The following CPNE4 variants were observed in gnomAD, a reference collection of about 807,000 sequenced individuals.
CPNE4 encodes the protein copine-4.
Under a neutral mutation model 67.9 loss-of-function variants are expected in CPNE4, and 25 were observed. The ratio of observed to expected loss-of-function variants is 0.37; its 90% CI spans 0.27 to 0.51. The LOEUF (loss-of-function observed/expected upper bound fraction) is 0.51. Among genes scored for constraint, CPNE4 ranks in the 20% least tolerant of loss-of-function variants. The pLI, the probability that CPNE4 is intolerant of heterozygous loss-of-function variation, is 0.93. For missense variants in CPNE4, 464 were observed against 690.8 expected, an observed-to-expected ratio of 0.67 and a Z score of 3.68; for synonymous variants, 242 against 244.9, an observed-to-expected ratio of 0.99 and a Z score of 0.11.
At chr3:131,676,056 TTATTA>T (rs999984604) in intron 6 of CPNE4, among the ~76,000 whole-genome samples, 49 of 147,412 alleles carry the variant, frequency 3.3e-4, no homozygotes, top group Admixed American at 2.1e-3. Flanking sequence ...ATTATTATTA[TTATTA>T]TTATTATTAT....
intron 2 of CPNE4, among the ~76,000 whole-genome samples, chr3:131,862,849 C>T (rs1011397415): frequency 6.6e-6 from 1 of 151,792 alleles, no homozygotes; most frequent in East Asian, 1.9e-4. Context: ...CTAATGCTAT[C>T]CCTCCCCCAT....
intron 5 of CPNE4, among the ~76,000 whole-genome samples, chr3:131,693,433 A>G (rs1474356364): frequency 1.3e-5 from 2 of 151,632 alleles, no homozygotes; most frequent in Non-Finnish European, 2.9e-5. Flanking sequence ...AATTATTATA[A>G]TTATATTTTC....
At chr3:131,677,733 G>C (rs908935395) in intron 6 of CPNE4, among the ~76,000 whole-genome samples, 1 of 152,120 alleles carries the variant, frequency 6.6e-6, no homozygotes, top group Admixed American at 6.6e-5. Context: ...TTGAAGATCA[G>C]ATAGTTGAAG....
At chr3:132,037,181 A>C (rs2074354550), upstream of CPNE4, among the ~76,000 whole-genome samples, 1 of 152,262 alleles carries the variant, frequency 6.6e-6, no homozygotes, top group Non-Finnish European at 1.5e-5. Context: ...AAAAGCATAG[A>C]TACACAAACT....
chr3:131,923,381 G>T lies in CPNE4; in HGVS notation c.-1-17937C>A, dbSNP rs528171266. 6.6e-5 allele frequency among the ~76,000 whole-genome samples: 10 copies of T among 152,242 alleles called. No individual in the cohort carries two copies. The South Asian group carries it at 1.5e-3, about 22-fold the overall frequency. ...GAGAATGTGGAGCAGGGACTATAAG[G>T]CCTGTGAGAGGCAGGGGATGTGCAG... On this transcript the variant is annotated intron_variant, in intron 1 of 15. Coordinates refer to ENST00000429747, the MANE Select transcript of CPNE4 (RefSeq NM_130808.3).
At chr3:131,831,137 G>C (rs1186385882) in intron 2 of CPNE4, among the ~76,000 whole-genome samples, 2 of 151,678 alleles carry the variant, frequency 1.3e-5, no homozygotes, top group East Asian at 3.9e-4. Context: ...CTTCAAAATG[G>C]AAACAATAAG....
At chr3:131,914,597 C>A (rs971309781) in intron 1 of CPNE4, among the ~76,000 whole-genome samples, 1 of 151,748 alleles carries the variant, frequency 6.6e-6, no homozygotes, top group Non-Finnish European at 1.5e-5. Context: ...ACTGACTTCC[C>A]AAGAGGTTGG....
At chr3:131,660,098 C>A (rs564332664) in intron 7 of CPNE4, among the ~76,000 whole-genome samples, 11 of 152,170 alleles carry the variant, frequency 7.2e-5, no homozygotes, top group African/African-American at 2.7e-4. Flanking sequence ...TTCTGTTTTC[C>A]CCACTGAAAC....
At chr3:131,794,721 T>C (rs1435593428) in intron 2 of CPNE4, among the ~76,000 whole-genome samples, 1 of 152,218 alleles carries the variant, frequency 6.6e-6, no homozygotes, top group Admixed American at 6.5e-5. Context: ...CAACGTACTT[T>C]TACAGGTAGA....
chr3:131,968,356 A>T (rs1345780071), intron 1 of CPNE4, among the ~76,000 whole-genome samples: 1 of 152,220 alleles, frequency 6.6e-6, no homozygotes, highest in Non-Finnish European at 1.5e-5. Flanking sequence ...AAATTGACAA[A>T]TGGGATCTAA....
chr3:131,792,409 C>T (rs918223676), intron 2 of CPNE4, among the ~76,000 whole-genome samples: 1 of 151,440 alleles, frequency 6.6e-6, no homozygotes, highest in African/African-American at 2.4e-5. Flanking sequence ...CATTACCATA[C>T]CCGAAAACTA....
At chr3:131,947,823 C>A (rs763981375) in intron 1 of CPNE4, among the ~76,000 whole-genome samples, 9 of 152,118 alleles carry the variant, frequency 5.9e-5, no homozygotes, top group Non-Finnish European at 1.0e-4. Flanking sequence ...CTCTCTTCCA[C>A]AATGGTTGAA....
intron 11 of CPNE4, among the ~76,000 whole-genome samples, chr3:131,562,550 C>A (rs1474783634): frequency 2.6e-5 from 4 of 152,012 alleles, no homozygotes; most frequent in African/African-American, 9.7e-5. Flanking sequence ...AAGATACTCT[C>A]CCCCTTCTTG....
chr3:131,910,873 G>A (rs548408135), intron 1 of CPNE4, among the ~76,000 whole-genome samples: 2 of 152,184 alleles, frequency 1.3e-5, no homozygotes, highest in South Asian at 2.1e-4. Context: ...CCACAAAACC[G>A]TAAATGTTCT....
intron 2 of CPNE4, among the ~76,000 whole-genome samples, chr3:131,781,611 A>G (rs1165075609): frequency 6.6e-6 from 1 of 152,140 alleles, no homozygotes; most frequent in African/African-American, 2.4e-5. Context: ...AGTTGGATGA[A>G]GTCAAAGAAA....
upstream of CPNE4, chr3:132,037,428 T>G (rs770343539): frequency 7.1e-4 from 498 of 706,260 alleles, 1 homozygote; most frequent in Non-Finnish European, 1.1e-3. Flanking sequence ...ACAGCTCATC[T>G]GTACAAATGA....
chr3:131,643,151 G>A lies in CPNE4; in HGVS notation c.681+26524C>T, dbSNP rs567365234. 1.0e-3 allele frequency among the ~76,000 whole-genome samples: 155 copies of A among 152,340 alleles called. 1 individual carries two copies. Among genetic ancestry groups the A allele is most frequent in the African/African-American group, 3.6e-3 (148 of 41,574 alleles). ...GGTCTCTGACGGAGATGAGGAACTT[G>A]TTGGGAACTGGAATAAAGGTGATTT... On this transcript the variant is annotated intron_variant, in intron 7 of 15. Transcript: ENST00000429747.
At chr3:131,712,519 A>G (rs1247791940) in intron 3 of CPNE4, among the ~76,000 whole-genome samples, 1 of 152,280 alleles carries the variant, frequency 6.6e-6, no homozygotes, top group Non-Finnish European at 1.5e-5. Context: ...AATATTCCCG[A>G]AATCTTCACA....
rs369216690 is a variant in CPNE4, at chr3:131,646,064, C to A, written c.681+23611G>T. On this transcript the variant is annotated intron_variant, in intron 7 of 15. Coordinates refer to ENST00000429747, the MANE Select transcript of CPNE4 (RefSeq NM_130808.3). ...ATCTTACTCTGTGATTCACTAAGGACACAAACTGCTGAAAAAAAGTGACAA... is the reference window on the plus strand; with the variant it reads ...ATCTTACTCTGTGATTCACTAAGGAAACAAACTGCTGAAAAAAAGTGACAA... 8.5e-4 allele frequency among the ~76,000 whole-genome samples: 130 copies of A among 152,096 alleles called. 3 individuals carry two copies. The South Asian group carries it at 0.021, about 24-fold the overall frequency.
Sources: gnomAD v4.1 joint callset for allele counts (sites outside exome capture counted in the v4.1 genomes callset) on GRCh38, gnomAD v4.1.1 for gene constraint, MANE v1.5 for transcripts, NCBI Gene and HGNC (gene_info 2026-07-23, HGNC 2026-07-21) for gene names.